RNF168: variants seen among roughly 807,000 people sequenced by gnomAD.
RNF168 encodes ring finger protein 168.
RNF168 carries 34 observed loss-of-function variants against 34.9 expected under a neutral mutation model. The ratio of observed to expected loss-of-function variants is 0.97; its 90% CI spans 0.74 to 1.30. The LOEUF (loss-of-function observed/expected upper bound fraction) is 1.30. Ranked by LOEUF, RNF168 falls within the 50% of genes most tolerant of loss-of-function variation. The probability of loss-of-function intolerance (pLI) is 0.00; values close to 1 mark genes in which losing one functional copy is unlikely to be tolerated. For missense variants in RNF168, 725 were observed against 682.5 expected, an observed-to-expected ratio of 1.06 and a Z score of -0.69; for synonymous variants, 264 against 254.7, an observed-to-expected ratio of 1.04 and a Z score of -0.35.
intron 1 of RNF168, among the ~76,000 whole-genome samples, chr3:196,495,273 C>T (rs868433393): frequency 2.0e-5 from 3 of 152,044 alleles, no homozygotes; most frequent in South Asian, 4.1e-4. Context: ...AGATGCTGTC[C>T]TTATCTCTTG....
intron 4 of RNF168, 83 bp from the exon 5 acceptor site, chr3:196,475,395 G>T: frequency 1.2e-6 from 1 of 809,916 alleles, no homozygotes; most frequent in Non-Finnish European, 2.1e-6. Context: ...TTATACCGAA[G>T]GTTGTCTGGT....
At chr3:196,487,605 C>G in intron 2 of RNF168, 27 bp from the exon 3 acceptor site, 1 of 1,609,064 alleles carries the variant, frequency 6.2e-7, no homozygotes, top group Non-Finnish European at 8.5e-7. Context: ...AAAGAGCAAT[C>G]CTTCTCTGAA....
chr3:196,496,862 A>T (rs1399089740), intron 1 of RNF168, among the ~76,000 whole-genome samples: 1 of 152,178 alleles, frequency 6.6e-6, no homozygotes, highest in Non-Finnish European at 1.5e-5. Flanking sequence ...AAATATACGG[A>T]GGACGGGCAC....
chr3:196,482,506 T>C (rs1732321444), intron 4 of RNF168, among the ~76,000 whole-genome samples: 1 of 152,234 alleles, frequency 6.6e-6, no homozygotes, highest in African/African-American at 2.4e-5. Flanking sequence ...CGTTTAACTT[T>C]TCAAGGAATC....
At chr3:196,493,826 A>G (rs1391598819) in intron 1 of RNF168, among the ~76,000 whole-genome samples, 2 of 147,480 alleles carry the variant, frequency 1.4e-5, no homozygotes, top group Non-Finnish European at 3.0e-5. Context: ...CCAGCCTTCC[A>G]TTTGCTATTT....
rs1013596351 is a variant in RNF168, at chr3:196,471,419, C to T, written c.*400G>A. The T allele has an allele frequency of 5.9e-6, 1 of 170,450 alleles. No individual in the cohort carries two copies. Among genetic ancestry groups the T allele is most frequent in the African/African-American group, 2.4e-5 (1 of 41,810 alleles). 10.6% of individuals were successfully genotyped at this position (170,450 alleles called of 1,614,324 possible). A position where few individuals can be genotyped will look rare whatever the true frequency, so the allele number is the denominator to read the frequency against. ...CAATAGCAAGAAAATGGATTTTAAA[C>T]CCTGCATGGGTTCCTTAATCACTCA... is the stretch of plus-strand genomic sequence containing the variant. On this transcript the variant is annotated 3_prime_UTR_variant, in exon 6 of 6. Coordinates refer to ENST00000318037, the MANE Select transcript of RNF168 (RefSeq NM_152617.4).
At chr3:196,478,018 A>G (rs565817789) in intron 4 of RNF168, among the ~76,000 whole-genome samples, 1 of 152,342 alleles carries the variant, frequency 6.6e-6, no homozygotes, top group African/African-American at 2.4e-5. Context: ...CAAGAGTTTG[A>G]GGCTGCAGTG....
At chr3:196,494,883 C>CCTAA (rs1230738765) in intron 1 of RNF168, among the ~76,000 whole-genome samples, 1 of 151,938 alleles carries the variant, frequency 6.6e-6, no homozygotes, top group Non-Finnish European at 1.5e-5. Flanking sequence ...ATTAGCCTGG[C>CCTAA]GTAGTGGTGT....
rs183598683 is a variant in RNF168, at chr3:196,502,856, C to T, written c.301+17G>A. 90 of 1,609,024 alleles carry T rather than the reference C, an allele frequency of 5.6e-5. No homozygotes were observed. In the African/African-American group the frequency reaches 1.1e-3, roughly 19 times the overall value. The stretch of plus-strand genomic sequence containing the variant: ...ACTTGCGGCTTTTGGCCAACAAACA[C>T]GCCATGGTTTACTCACCCACTTCCT... On this transcript the variant is annotated intron_variant, in intron 1 of 5. Transcript: ENST00000318037.
intron 5 of RNF168, chr3:196,474,974 A>G: frequency 2.2e-6 from 1 of 452,484 alleles, no homozygotes; most frequent in South Asian, 2.2e-5. Flanking sequence ...AAGCTGTGAC[A>G]CAGATCACAC....
At chr3:196,494,904 TC>T (rs1396014094) in intron 1 of RNF168, among the ~76,000 whole-genome samples, 5 of 152,090 alleles carry the variant, frequency 3.3e-5, no homozygotes, top group African/African-American at 4.8e-5. Flanking sequence ...GTGCCTGTGG[TC>T]CCAGCTACTC....
At chr3:196,499,894 C>G (rs1433403271) in intron 1 of RNF168, among the ~76,000 whole-genome samples, 1 of 152,136 alleles carries the variant, frequency 6.6e-6, no homozygotes, top group Non-Finnish European at 1.5e-5. Flanking sequence ...CCAATAAATG[C>G]ATGCAAAGAT....
intron 1 of RNF168, among the ~76,000 whole-genome samples, chr3:196,491,142 G>C (rs538346969): frequency 1.3e-5 from 2 of 151,818 alleles, no homozygotes; most frequent in Non-Finnish European, 2.9e-5. Context: ...GTGAAACCCC[G>C]TCTATACTAA....
At chr3:196,475,444 C>T (rs1732121714) in intron 4 of RNF168, 132 bp from the exon 5 acceptor site, 12 of 685,468 alleles carry the variant, frequency 1.8e-5, no homozygotes, top group Non-Finnish European at 2.7e-5. Context: ...ATCTCATTTC[C>T]GTGCTTCAGA....
rs57647149 is a variant in RNF168, at chr3:196,471,196, C to CAAAAAAAAAAAAAAAAAAAA, written c.*603_*622dup. The CAAAAAAAAAAAAAAAAAAAA allele has an allele frequency of 9.8e-5, 4 of 40,640 alleles. No homozygotes were observed. The highest frequency in any genetic ancestry group is 1.0e-3 in the Admixed American group (2 of 1,968). 2.5% of individuals were successfully genotyped at this position (40,640 alleles called of 1,614,324 possible). A position where few individuals can be genotyped will look rare whatever the true frequency, so the allele number is the denominator to read the frequency against. The stretch of plus-strand genomic sequence containing the variant: ...GCGTGACAGAGCAAGACTCTGTCTC[C>CAAAAAAAAAAAAAAAAAAAA]AAAAAAAAAAAAAAAAAAAAAAAAA... On this transcript the variant is annotated 3_prime_UTR_variant, in exon 6 of 6. Coordinates refer to ENST00000318037, the MANE Select transcript of RNF168 (RefSeq NM_152617.4).
At chr3:196,502,259 G>C (rs1424071790) in intron 1 of RNF168, among the ~76,000 whole-genome samples, 1 of 151,958 alleles carries the variant, frequency 6.6e-6, no homozygotes, top group Non-Finnish European at 1.5e-5. Context: ...ATGATTAGGA[G>C]AATCAAGAAT....
chr3:196,501,786 G>T (rs1481957930), intron 1 of RNF168, among the ~76,000 whole-genome samples: 2 of 151,910 alleles, frequency 1.3e-5, no homozygotes, highest in Non-Finnish European at 2.9e-5. Context: ...ACATTTTACT[G>T]AATTTATGTT....
intron 1 of RNF168, among the ~76,000 whole-genome samples, chr3:196,490,755 A>G (rs1002624958): frequency 6.6e-6 from 1 of 152,192 alleles, no homozygotes; most frequent in African/African-American, 2.4e-5. Context: ...CAGAGAGACT[A>G]AAAAACAGTG....
At chr3:196,490,515 C>A in intron 1 of RNF168, among the ~76,000 whole-genome samples, 1 of 151,814 alleles carries the variant, frequency 6.6e-6, no homozygotes, top group Middle Eastern at 3.4e-3. Flanking sequence ...ATTTGGGTAG[C>A]AGATACCCTA....
Sources: gnomAD v4.1 joint callset for allele counts (sites outside exome capture counted in the v4.1 genomes callset) on GRCh38, gnomAD v4.1.1 for gene constraint, MANE v1.5 for transcripts, NCBI Gene and HGNC (gene_info 2026-07-23, HGNC 2026-07-21) for gene names.